KALRN: variants seen among roughly 807,000 people sequenced by gnomAD.
KALRN encodes the protein kalirin.
KALRN carries 70 observed loss-of-function variants against 353.7 expected under a neutral mutation model. The observed-to-expected ratio is 0.20, with a 90% CI of 0.16 to 0.24. The LOEUF (loss-of-function observed/expected upper bound fraction) is 0.24. Ranked by LOEUF, KALRN falls within the 10% of genes least tolerant of loss-of-function variation. The pLI, the probability that KALRN is intolerant of heterozygous loss-of-function variation, is 1.00. For missense variants in KALRN, 2,791 were observed against 3,756.7 expected (o/e 0.74, Z 6.72); for synonymous variants, 1,391 against 1,434.8 (o/e 0.97, Z 0.69).
chr3:124,207,654 A>G (rs1333240226), intron 1 of KALRN, among the ~76,000 whole-genome samples: 1 of 152,214 alleles, frequency 6.6e-6, no homozygotes, highest in African/African-American at 2.4e-5. Context: ...TCCTAGCTCT[A>G]TGACCTTGGG....
chr3:124,173,732 C>T (rs1218965742), intron 1 of KALRN, among the ~76,000 whole-genome samples: 1 of 152,186 alleles, frequency 6.6e-6, no homozygotes, highest in Non-Finnish European at 1.5e-5. Flanking sequence ...TCTTCTGCCT[C>T]AGCCTCCCGA....
chr3:124,075,605 T>C (rs1577814439), intron 1 of KALRN, among the ~76,000 whole-genome samples: 1 of 152,248 alleles, frequency 6.6e-6, no homozygotes, highest in South Asian at 2.1e-4. Flanking sequence ...TATCTGGTCA[T>C]GCAGGGATGT....
chr3:124,504,904 T>C (rs373179543), intron 33 of KALRN: 6 of 507,166 alleles, frequency 1.2e-5, no homozygotes, highest in East Asian at 5.8e-5. Flanking sequence ...CAAGCCAAGA[T>C]GTTAAAGTGG....
At chr3:124,113,876 T>C (rs1240287761) in intron 1 of KALRN, among the ~76,000 whole-genome samples, 2 of 152,218 alleles carry the variant, frequency 1.3e-5, no homozygotes, top group African/African-American at 2.4e-5. Context: ...CATCATATTC[T>C]GGGCAGTATC....
At chr3:124,259,912 C>T (rs80199995) in intron 3 of KALRN, among the ~76,000 whole-genome samples, 98 of 152,290 alleles carry the variant, frequency 6.4e-4, no homozygotes, top group African/African-American at 2.0e-3. Flanking sequence ...CCTTCTTCTA[C>T]TCTTACACAC....
intron 1 of KALRN, among the ~76,000 whole-genome samples, chr3:124,048,232 TA>T (rs1422185999): frequency 6.6e-6 from 1 of 152,316 alleles, no homozygotes; most frequent in East Asian, 1.9e-4. Flanking sequence ...GACACTGTTG[TA>T]AAAATATTTA....
At chr3:124,468,412 A>C (rs2060557165) in intron 25 of KALRN, among the ~76,000 whole-genome samples, 1 of 152,156 alleles carries the variant, frequency 6.6e-6, no homozygotes, top group Non-Finnish European at 1.5e-5. Context: ...AGGGATGTGC[A>C]GTTCAGGCCA....
chr3:124,165,303 C>A (rs993141618), intron 1 of KALRN, among the ~76,000 whole-genome samples: 2 of 152,160 alleles, frequency 1.3e-5, no homozygotes, highest in Non-Finnish European at 2.9e-5. Context: ...CACTTATTAG[C>A]CCTGGCTGTG....
intron 33 of KALRN, among the ~76,000 whole-genome samples, chr3:124,547,448 T>A (rs2109451485): frequency 6.6e-6 from 1 of 152,108 alleles, no homozygotes; most frequent in South Asian, 2.1e-4. Context: ...GAGTAGCTGG[T>A]TCTACAGGCT....
intron 16 of KALRN, among the ~76,000 whole-genome samples, chr3:124,434,062 C>A (rs1380871545): frequency 1.3e-5 from 2 of 151,838 alleles, no homozygotes; most frequent in Non-Finnish European, 2.9e-5. Context: ...TAGAGTGCTG[C>A]AAGGAAAAAG....
intron 28 of KALRN, among the ~76,000 whole-genome samples, chr3:124,487,211 ATTC>A (rs945660066): frequency 6.6e-6 from 1 of 152,192 alleles, no homozygotes; most frequent in Admixed American, 6.5e-5. Context: ...AAAAGCCAAC[ATTC>A]TTCTGGTTTG....
intron 34 of KALRN, among the ~76,000 whole-genome samples, chr3:124,612,836 T>C (rs187010245): frequency 1.2e-4 from 18 of 152,306 alleles, no homozygotes; most frequent in African/African-American, 3.6e-4. Context: ...CAAGCATGTG[T>C]TGAATGAACG....
intron 22 of KALRN, among the ~76,000 whole-genome samples, chr3:124,455,564 G>C (rs1180794844): frequency 2.0e-5 from 3 of 152,186 alleles, no homozygotes; most frequent in Non-Finnish European, 4.4e-5. Context: ...CCTGTGATTA[G>C]TACTCTATAC....
chr3:124,315,324 GTTT>G (rs2078701386), intron 6 of KALRN, among the ~76,000 whole-genome samples: 1 of 152,148 alleles, frequency 6.6e-6, no homozygotes, highest in Admixed American at 6.6e-5. Context: ...AAGCTCCTTG[GTTT>G]AGGCAGCCTT....
chr3:124,686,798 A>ATTTT lies in KALRN; in HGVS notation c.7378-6975_7378-6972dup, dbSNP rs10599336. On this transcript the variant is annotated intron_variant, in intron 51 of 59. Transcript: ENST00000682506. ...CAGCATCTATGCAAACACTGGTGAG[A>ATTTT]TTTTTTTTTTTTTTTTTTTTTTTTT... Among the ~76,000 whole-genome samples the ATTTT allele has an allele frequency of 4.8e-4, 34 of 70,826 alleles. 1 individual carries two copies. The highest frequency in any genetic ancestry group is 7.7e-4 in the Non-Finnish European group (28 of 36,378). The allele number at this position is 70,826 out of a possible 152,430, so 46.5% of individuals were successfully genotyped here.
At chr3:124,365,689 A>C (rs1170423660) in intron 10 of KALRN, among the ~76,000 whole-genome samples, 1 of 152,226 alleles carries the variant, frequency 6.6e-6, no homozygotes, top group Non-Finnish European at 1.5e-5. Flanking sequence ...TCTCATTTAA[A>C]AGGCCTAAGC....
chr3:124,699,457 G>T (rs975139235), intron 55 of KALRN, among the ~76,000 whole-genome samples: 1 of 152,130 alleles, frequency 6.6e-6, no homozygotes, highest in Non-Finnish European at 1.5e-5. Context: ...AGTATTTTAC[G>T]TGTACGTAGT....
At chr3:124,690,249 T>C (rs779117752) in intron 51 of KALRN, among the ~76,000 whole-genome samples, 1 of 152,210 alleles carries the variant, frequency 6.6e-6, no homozygotes, top group Non-Finnish European at 1.5e-5. Flanking sequence ...ATATGGTCCT[T>C]GTCCTCATGG....
intron 3 of KALRN, among the ~76,000 whole-genome samples, chr3:124,242,375 T>C (rs2080570155): frequency 6.6e-6 from 1 of 152,252 alleles, no homozygotes; most frequent in Non-Finnish European, 1.5e-5. Flanking sequence ...GATGAAGTAC[T>C]TGCCTACTGG....
Sources: gnomAD v4.1 joint callset for allele counts (sites outside exome capture counted in the v4.1 genomes callset) on GRCh38, gnomAD v4.1.1 for gene constraint, MANE v1.5 for transcripts, NCBI Gene and HGNC (gene_info 2026-07-23, HGNC 2026-07-21) for gene names.